FANCL: variants seen among roughly 807,000 people sequenced by gnomAD.
FANCL encodes E3 ubiquitin-protein ligase FANCL.
Under a neutral mutation model 59.4 loss-of-function variants are expected in FANCL, and 69 were observed. The observed-to-expected ratio is 1.16, with a 90% CI of 0.96 to 1.42. The LOEUF is 1.42. Ranked by LOEUF, FANCL falls within the 40% of genes most tolerant of loss-of-function variation. FANCL has a pLI of 0.00. For missense variants in FANCL, 519 were observed against 447.2 expected, an observed-to-expected ratio of 1.16 and a Z score of -1.45; for synonymous variants, 180 against 147.1, an observed-to-expected ratio of 1.22 and a Z score of -1.62.
At chr2:58,166,956 G>A (rs1686011648) in intron 7 of FANCL, among the ~76,000 whole-genome samples, 1 of 152,224 alleles carries the variant, frequency 6.6e-6, no homozygotes, top group South Asian at 2.1e-4. Context: ...GCTCAGGCCT[G>A]TAATCCCAGC....
At chr2:58,217,278 T>C (rs1416091826) in intron 5 of FANCL, among the ~76,000 whole-genome samples, 1 of 141,454 alleles carries the variant, frequency 7.1e-6, no homozygotes, top group Non-Finnish European at 1.5e-5. Context: ...AGGAATTTAT[T>C]CTCTCATAGT....
chr2:58,195,978 G>C (rs572963445), intron 7 of FANCL, among the ~76,000 whole-genome samples: 68 of 152,242 alleles, frequency 4.5e-4, no homozygotes, highest in African/African-American at 1.5e-3. Flanking sequence ...CTGCAGCACT[G>C]TTTGTCAGAA....
intron 7 of FANCL, chr2:58,194,164 C>G: frequency 2.1e-6 from 1 of 470,360 alleles, no homozygotes; most frequent in Non-Finnish European, 4.4e-6. Context: ...CCACACTGAA[C>G]CTGAGGATTC....
intron 5 of FANCL, 100 bp downstream of exon 5, chr2:58,221,842 A>G: frequency 1.3e-6 from 1 of 795,484 alleles, no homozygotes; most frequent in South Asian, 1.5e-5. Flanking sequence ...ACAATTAAAC[A>G]CTTTGACTAA....
intron 9 of FANCL, 123 bp downstream of exon 9, chr2:58,163,311 A>C: frequency 2.5e-6 from 2 of 803,000 alleles, no homozygotes; most frequent in Non-Finnish European, 4.2e-6. Flanking sequence ...ACAAGAGCAA[A>C]ACTCCGTCTC....
intron 12 of FANCL, among the ~76,000 whole-genome samples, chr2:58,160,999 C>T (rs1685068870): frequency 6.6e-6 from 1 of 151,992 alleles, no homozygotes; most frequent in South Asian, 2.1e-4. Flanking sequence ...ACTTCACATA[C>T]AGTAAGTAAA....
chr2:58,165,875 CTG>C lies in FANCL; in HGVS notation c.541-3_541-2del. On this transcript the variant is annotated splice_acceptor_variant and splice_polypyrimidine_tract_variant and intron_variant, in intron 7 of 13. Transcript: ENST00000233741. LOFTEE classifies it high-confidence loss of function. The stretch of plus-strand genomic sequence containing the variant: ...GACTATAAATGCTTATTAAGGAGCT[CTG>C]TGAAAAAAATGAAAGTTGAATAAGT... 6.2e-7 allele frequency: 1 copy of C among 1,613,670 alleles called. No individual in the cohort carries two copies. The highest frequency in any genetic ancestry group is 2.2e-5 in the East Asian group (1 of 44,832).
chr2:58,165,473 G>A (rs1005138007), intron 8 of FANCL, among the ~76,000 whole-genome samples: 2 of 152,056 alleles, frequency 1.3e-5, no homozygotes, highest in Non-Finnish European at 2.9e-5. Context: ...CTAATTAGCA[G>A]CTAATTAAAC....
At chr2:58,196,170 G>A (rs1348667668) in intron 7 of FANCL, among the ~76,000 whole-genome samples, 2 of 152,066 alleles carry the variant, frequency 1.3e-5, no homozygotes, top group South Asian at 2.1e-4. Flanking sequence ...ATGGCAAAAA[G>A]TATGCACGGA....
At position 58,221,967 on chromosome 2, in the gene FANCL, C is replaced by T; in HGVS notation, c.349G>A (p.Glu117Lys). ...PPQFYSSLIE[E>K]IGTLGWDKLV... ...TTATCCCAACCAAGAGTTCCTATCT[C>T]TTCAATAAGGCTTGAGTAGAACTGG... Residue 117 changes from glutamate to lysine, a missense_variant, in exon 5 of 14, where the codon GAG becomes AAG. Physicochemically the swap from Glu to Lys is moderately conservative, Grantham distance 56. Coordinates refer to ENST00000233741, the MANE Select transcript of FANCL (RefSeq NM_018062.4). The T allele has an allele frequency of 1.2e-6, 2 of 1,612,998 alleles. No homozygotes were observed. The highest frequency in any genetic ancestry group is 1.7e-5 in the Admixed American group (1 of 60,008).
chr2:58,213,844 T>C (rs1284149118), intron 5 of FANCL: 1 of 152,082 alleles, frequency 6.6e-6, no homozygotes, highest in Non-Finnish European at 1.5e-5. Flanking sequence ...ATTTTGCAAA[T>C]CGTCCATTTT....
chr2:58,219,956 C>A (rs1437818641), intron 5 of FANCL, among the ~76,000 whole-genome samples: 1 of 152,094 alleles, frequency 6.6e-6, no homozygotes, highest in Non-Finnish European at 1.5e-5. Context: ...CTATTTCATA[C>A]AACATCCTTT....
intron 7 of FANCL, chr2:58,194,104 G>C (rs1689197542): frequency 4.8e-6 from 2 of 414,224 alleles, no homozygotes; most frequent in Non-Finnish European, 9.8e-6. Flanking sequence ...ATTATTCCAA[G>C]AATGTAAGAT....
At chr2:58,180,408 T>C (rs2104953640) in intron 7 of FANCL, among the ~76,000 whole-genome samples, 1 of 152,298 alleles carries the variant, frequency 6.6e-6, no homozygotes, top group South Asian at 2.1e-4. Flanking sequence ...GATGAGTTCA[T>C]GTCCTTTGCA....
chr2:58,205,341 A>C (rs1354569308), intron 5 of FANCL, among the ~76,000 whole-genome samples: 3 of 149,578 alleles, frequency 2.0e-5, no homozygotes, highest in Admixed American at 2.0e-4. Flanking sequence ...ATCTGTAGAA[A>C]GTCTAGGGTC....
At chr2:58,214,829 T>C (rs1268278936) in intron 5 of FANCL, among the ~76,000 whole-genome samples, 2 of 152,056 alleles carry the variant, frequency 1.3e-5, no homozygotes, top group African/African-American at 4.8e-5. Flanking sequence ...GAATCTTAAG[T>C]CTTGCCTTAT....
intron 7 of FANCL, among the ~76,000 whole-genome samples, chr2:58,180,519 G>A (rs1687827232): frequency 6.6e-6 from 1 of 152,010 alleles, no homozygotes; most frequent in South Asian, 2.1e-4. Flanking sequence ...AGAACACATG[G>A]ACACAGGGAG....
At chr2:58,215,454 G>C (rs912323453) in intron 5 of FANCL, among the ~76,000 whole-genome samples, 7 of 152,044 alleles carry the variant, frequency 4.6e-5, no homozygotes, top group African/African-American at 1.7e-4. Context: ...GCTTGCTAAA[G>C]ACCAACACTT....
intron 1 of FANCL, among the ~76,000 whole-genome samples, chr2:58,235,720 C>A (rs1693951869): frequency 1.3e-5 from 2 of 151,672 alleles, no homozygotes; most frequent in Non-Finnish European, 2.9e-5. Flanking sequence ...AGATGATAAA[C>A]CTGATTTAAA....
Sources: allele counts gnomAD v4.1 joint callset (sites outside exome capture counted in the v4.1 genomes callset), GRCh38; gene constraint gnomAD v4.1.1; transcripts MANE v1.5; gene names NCBI Gene and HGNC (gene_info 2026-07-23, HGNC 2026-07-21).